MLXIPL: variants seen among roughly 807,000 people sequenced by gnomAD.
MLXIPL encodes the protein carbohydrate-responsive element-binding protein.
A neutral mutation model predicts 81.5 loss-of-function variants in MLXIPL; 49 were observed. The observed-to-expected ratio is 0.60, with a 90% CI of 0.48 to 0.76. The LOEUF (loss-of-function observed/expected upper bound fraction) is 0.76, where lower values mean the gene tolerates loss of function less well. Ranked by LOEUF, MLXIPL falls within the 30% of genes least tolerant of loss-of-function variation. The pLI is 0.00. For missense variants in MLXIPL, 1,053 were observed against 1,167.0 expected (o/e 0.90, Z 1.42); for synonymous variants, 466 against 485.5 (o/e 0.96, Z 0.53).
At chr7:73,644,611 A>C in the MLXIPL span, among the ~76,000 whole-genome samples, 1 of 152,162 alleles carries the variant, frequency 6.6e-6, no homozygotes, top group Admixed American at 6.6e-5. Flanking sequence ...GTACCTGGTA[A>C]ATGTGGGTTT....
intron 7 of MLXIPL, among the ~76,000 whole-genome samples, chr7:73,601,199 G>C (rs1030280118): frequency 4.0e-5 from 6 of 151,622 alleles, no homozygotes; most frequent in South Asian, 2.1e-4. Context: ...GTGTGTGTGT[G>C]TGTGTGTGTG....
the MLXIPL span, among the ~76,000 whole-genome samples, chr7:73,632,340 A>T: frequency 6.6e-6 from 1 of 151,912 alleles, no homozygotes; most frequent in South Asian, 2.1e-4. Context: ...TTATATGGGG[A>T]TGTTCTCTGT....
At chr7:73,625,894 G>A (rs1796713839), upstream of MLXIPL, among the ~76,000 whole-genome samples, 2 of 152,310 alleles carry the variant, frequency 1.3e-5, no homozygotes, top group South Asian at 4.1e-4. Context: ...CTGGAAGGTG[G>A]ACATCCCCTA....
chr7:73,639,293 AT>A, the MLXIPL span, among the ~76,000 whole-genome samples: 1 of 152,234 alleles, frequency 6.6e-6, no homozygotes, highest in Non-Finnish European at 1.5e-5. Context: ...TAAACAAAAA[AT>A]GTAGGTACTC....
chr7:73,605,811 G>A (rs782622746), intron 6 of MLXIPL, 43 bp from the exon 7 acceptor site: 3 of 1,602,350 alleles, frequency 1.9e-6, no homozygotes, highest in Non-Finnish European at 2.6e-6. Flanking sequence ...AGGCAGGGAG[G>A]AGCAGGGTCC....
At chr7:73,624,717 C>T (rs1796626251), upstream of MLXIPL, 1 of 529,934 alleles carries the variant, frequency 1.9e-6, no homozygotes, top group Non-Finnish European at 2.4e-6. Context: ...CCCGTCTTTC[C>T]TTGGAGTCCT....
At position 73,596,905 on chromosome 7, in the gene MLXIPL, G is replaced by C. The variant is rs781901662; in HGVS notation, c.1631C>G (p.Pro544Arg). 1.9e-6 allele frequency: 3 copies of C among 1,610,798 alleles called. No homozygotes were observed. In the South Asian group the frequency reaches 3.3e-5, roughly 18 times the overall value. Residue 544 changes from proline (P) to arginine (R), a missense_variant, in exon 10 of 17, where the codon CCA becomes CGA. Transcript: ENST00000313375. This position sits in a 1 kb window ranked among gnomAD's most constrained non-coding sequence, Gnocchi z 4.7. ...CCGGAGGAGGGTGCTGGATACAAGT[G>C]GTGGCTCCAGGGCTTGCTCCGGCTT... The part of the protein sequence containing the change: ...AAKPEQALEP[P>R]LVSSTLLRSP...
rs185382481 is a variant in MLXIPL, at chr7:73,614,394, C to A, written c.400+1677G>T. Among the ~76,000 whole-genome samples the A allele has an allele frequency of 6.6e-5, 10 of 152,280 alleles. No individual in the cohort carries two copies. The East Asian group carries it at 1.9e-3, about 29-fold the overall frequency. Reference sequence around the variant, plus strand: ...AACATGGCGGTAATAAAACCTATCTCCCAGGGTTGCTAGGAAGCCTTAAAT... The same window carrying A: ...AACATGGCGGTAATAAAACCTATCTACCAGGGTTGCTAGGAAGCCTTAAAT... On this transcript the variant is annotated intron_variant, in intron 2 of 16. Transcript: ENST00000313375.
the MLXIPL span, among the ~76,000 whole-genome samples, chr7:73,630,499 G>T: frequency 6.6e-6 from 1 of 151,608 alleles, no homozygotes; most frequent in Non-Finnish European, 1.5e-5. Flanking sequence ...TGCCATGTTG[G>T]CCAGGCTGGT....
At chr7:73,630,909 C>T in the MLXIPL span, among the ~76,000 whole-genome samples, 47 of 152,202 alleles carry the variant, frequency 3.1e-4, no homozygotes, top group Admixed American at 6.5e-4. Flanking sequence ...CAAGACTATT[C>T]GTGGCAGCAC....
chr7:73,616,974 A>T (rs1796042050), intron 1 of MLXIPL, among the ~76,000 whole-genome samples: 1 of 151,008 alleles, frequency 6.6e-6, no homozygotes, highest in South Asian at 2.1e-4. Flanking sequence ...CCTGGTAGAG[A>T]GGGAGCCTCT....
chr7:73,597,449 C>G lies in MLXIPL; in HGVS notation c.1336G>C (p.Val446Leu). 1 of 1,427,432 alleles carries G rather than the reference C, an allele frequency of 7.0e-7. No homozygotes were observed. The highest frequency in any genetic ancestry group is 9.2e-7 in the Non-Finnish European group (1 of 1,087,166). 88.4% of individuals were successfully genotyped at this position (1,427,432 alleles called of 1,614,324 possible). A position where few individuals can be genotyped will look rare whatever the true frequency, so the allele number is the denominator to read the frequency against. The change falls in exon 9 of 17, where the codon GTG becomes CTG. Residue 446 changes from valine (V) to leucine (L), a missense_variant. Physicochemically the swap from Val to Leu is conservative, Grantham distance 32. Around this residue, in one of 3 missense-constraint regions of MLXIPL, gnomAD observed 823 missense variants for 933.0 expected, o/e 0.88. Coordinates refer to ENST00000313375, the MANE Select transcript of MLXIPL (RefSeq NM_032951.3). ...GCTGCAGGAGCAGGCAGCGGAGACA[C>G]TCCTGGGGCAGGAGGGACGGTGGGG... ...PFPTVPPAPG[V>L]SPLPAPAAFP...
At chr7:73,645,213 GAC>G in the MLXIPL span, among the ~76,000 whole-genome samples, 1 of 152,060 alleles carries the variant, frequency 6.6e-6, no homozygotes, top group Non-Finnish European at 1.5e-5. Flanking sequence ...TTGTTGCAGA[GAC>G]ACAGATCTTT....
chr7:73,641,118 A>G, the MLXIPL span, among the ~76,000 whole-genome samples: 1 of 152,130 alleles, frequency 6.6e-6, no homozygotes, highest in East Asian at 1.9e-4. Flanking sequence ...CCTGGGTGAC[A>G]TGGCAAAATC....
chr7:73,620,302 G>A lies in MLXIPL; in HGVS notation c.293+3898C>T, dbSNP rs879996377. On this transcript the variant is annotated intron_variant, in intron 1 of 16. Coordinates refer to ENST00000313375, the MANE Select transcript of MLXIPL (RefSeq NM_032951.3). ...GCCTGTAATCCCAACTACTCGGGAGGCTGAGGCAGGAGAATCGCTTGAACC... is the reference window on the plus strand; with the variant it reads ...GCCTGTAATCCCAACTACTCGGGAGACTGAGGCAGGAGAATCGCTTGAACC... Among the ~76,000 whole-genome samples the A allele has an allele frequency of 8.9e-4, 135 of 152,070 alleles. 2 individuals carry two copies. The highest frequency in any genetic ancestry group is 6.0e-3 in the Admixed American group (92 of 15,242).
intron 2 of MLXIPL, among the ~76,000 whole-genome samples, chr7:73,613,492 G>C (rs1795823873): frequency 6.6e-6 from 1 of 152,128 alleles, no homozygotes; most frequent in Non-Finnish European, 1.5e-5. Context: ...CCAGTTACTT[G>C]GGAGGCTGAG....
At chr7:73,616,826 C>T (rs1273495506) in intron 1 of MLXIPL, among the ~76,000 whole-genome samples, 13 of 108,978 alleles carry the variant, frequency 1.2e-4, no homozygotes, top group African/African-American at 4.8e-4. Flanking sequence ...CCAGCCTGGG[C>T]AACAAGAGTG....
Position 73,596,443 on chromosome 7 carries a change from A to G in MLXIPL, c.1859T>C (p.Met620Thr). Residue 620 changes from methionine (M) to threonine (T), a missense_variant, in exon 12 of 17, where the codon ATG (methionine) becomes ACG (threonine). This residue lies in a region of MLXIPL where 823 missense variants were observed against 933.0 expected (regional missense o/e 0.88). Transcript: ENST00000313375. This position sits in a 1 kb window ranked among gnomAD's most constrained non-coding sequence, Gnocchi z 4.7. ...ERRLSGDLSS[M>T]PGPGTLSVRV... ...GACGCTCAGAGTCCCAGGGCCTGGC[A>G]TGGAGCTGAGGTCCCCTGACAGCCG... The G allele has an allele frequency of 6.2e-7, 1 of 1,612,842 alleles. No homozygotes were observed. Among genetic ancestry groups the G allele is most frequent in the Non-Finnish European group, 8.5e-7 (1 of 1,179,970 alleles).
chr7:73,599,713 A>G lies in MLXIPL; in HGVS notation c.902-18T>C. ...AAAGAAATCTGTAATTCAGACACAC[A>G]GGGCAACAGCAGTTAGGGCCAGGGC... On this transcript the variant is annotated intron_variant, in intron 7 of 16. Transcript: ENST00000313375. The G allele has an allele frequency of 6.3e-7, 1 of 1,598,890 alleles. No individual in the cohort carries two copies. The highest frequency in any genetic ancestry group is 8.5e-7 in the Non-Finnish European group (1 of 1,171,744).
Sources: gnomAD v4.1 joint callset for allele counts (sites outside exome capture counted in the v4.1 genomes callset) on GRCh38, gnomAD v4.1.1 for gene constraint, gnomAD v4.1.1 regional missense constraint, Gnocchi (gnomAD v3.1) non-coding constraint, MANE v1.5 for transcripts, NCBI Gene and HGNC (gene_info 2026-07-23, HGNC 2026-07-21) for gene names.